SH3BP2: variants seen among roughly 807,000 people sequenced by gnomAD.
SH3BP2 encodes SH3 domain-binding protein 2.
In SH3BP2, 38 loss-of-function variants were observed where a neutral mutation model predicts 56.2. That is an observed-to-expected ratio of 0.68 (90% confidence interval 0.52 to 0.89). The LOEUF is 0.89. SH3BP2 is among the 40% of genes least tolerant of loss of function. The pLI, the probability that SH3BP2 is intolerant of heterozygous loss-of-function variation, is 0.00. For missense variants in SH3BP2, 748 were observed against 762.6 expected (o/e 0.98, Z 0.23); for synonymous variants, 346 against 316.7 (o/e 1.09, Z -0.98).
intron 5 of SH3BP2, chr4:2,826,979 CAG>C (rs1560108660): frequency 4.6e-6 from 3 of 658,398 alleles, no homozygotes; most frequent in South Asian, 4.5e-5. Flanking sequence ...GTGTGTTTGT[CAG>C]AGTATGTGTG....
chr4:2,809,763 C>T (rs1577344212), intron 1 of SH3BP2: 2 of 985,348 alleles, frequency 2.0e-6, no homozygotes, highest in Non-Finnish European at 2.4e-6. Context: ...AAAGCTCCCT[C>T]CCTCTTCTTT....
intron 12 of SH3BP2, 176 bp from the exon 13 acceptor site, chr4:2,833,521 C>T: frequency 1.4e-6 from 1 of 729,436 alleles, no homozygotes; most frequent in Non-Finnish European, 2.3e-6. Context: ...GAGGTGGGAA[C>T]ATGGAGAGCA....
Position 2,824,650 on chromosome 4 carries a change from G to A in SH3BP2, c.277G>A (p.Val93Ile), listed in dbSNP as rs749432597. 3 of 1,613,978 alleles carry A rather than the reference G, an allele frequency of 1.9e-6. No individual in the cohort carries two copies. Among genetic ancestry groups the A allele is most frequent in the Non-Finnish European group, 2.5e-6 (3 of 1,179,990 alleles). ...GGCTGAGGAGACCACGTCCAACAAC[G>A]TTTTCCCCTTCAAGATCATCCATAT... ...RAAEETTSNN[V>I]FPFKIIHISK... Residue 93 changes from valine (V) to isoleucine (I), a missense_variant, in exon 4 of 13, where the codon GTT becomes ATT. By Grantham distance (29) the Val-to-Ile change is conservative (BLOSUM62 3). Coordinates refer to ENST00000503393, the MANE Select transcript of SH3BP2 (RefSeq NM_001122681.2).
chr4:2,812,324 TG>T, intron 1 of SH3BP2: 1 of 1,549,570 alleles, frequency 6.5e-7, no homozygotes, highest in Non-Finnish European at 8.7e-7. Context: ...GGCACAGCTG[TG>T]GGGCAGCCAG....
At chr4:2,803,283 G>A (rs1184584178) in intron 1 of SH3BP2, among the ~76,000 whole-genome samples, 2 of 152,176 alleles carry the variant, frequency 1.3e-5, no homozygotes, top group East Asian at 3.8e-4. Flanking sequence ...TCTGACTGGC[G>A]CCCCTACTGC....
At position 2,814,224 on chromosome 4, in the gene SH3BP2, T is replaced by G. The variant is rs112809345; in HGVS notation, c.-4-6390T>G. On this transcript the variant is annotated intron_variant, in intron 1 of 12. Coordinates refer to ENST00000503393, the MANE Select transcript of SH3BP2 (RefSeq NM_001122681.2). ...TGGGTGTGCAGAGACACAGCGCACATGAGGGCCTGCACAGGCCATGACCAC... is the reference window on the plus strand; with the variant it reads ...TGGGTGTGCAGAGACACAGCGCACAGGAGGGCCTGCACAGGCCATGACCAC... Among the ~76,000 whole-genome samples the G allele has an allele frequency of 3.5e-3, 540 of 152,298 alleles. 2 individuals carry two copies. The highest frequency in any genetic ancestry group is 0.012 in the African/African-American group (509 of 41,562).
chr4:2,824,577 T>C (rs1416604906), intron 3 of SH3BP2, 36 bp from the exon 4 acceptor site: 1 of 1,524,350 alleles, frequency 6.6e-7, no homozygotes, highest in Non-Finnish European at 9.1e-7. Context: ...CCTATAGCTG[T>C]GAACCAGGCC....
intron 1 of SH3BP2, among the ~76,000 whole-genome samples, chr4:2,805,539 G>A (rs931049797): frequency 3.9e-5 from 6 of 152,238 alleles, no homozygotes; most frequent in Non-Finnish European, 5.9e-5. Flanking sequence ...GGAGGCACCT[G>A]GTGCCAGTGT....
In SH3BP2 at chr4:2,831,913, C is replaced by T. The variant is rs556659893; in HGVS notation, c.1351-10C>T. 8 of 1,612,442 alleles carry T rather than the reference C, an allele frequency of 5.0e-6. No homozygotes were observed. In the East Asian group the frequency reaches 1.1e-4, roughly 22 times the overall value. On this transcript the variant is annotated splice_polypyrimidine_tract_variant and intron_variant, in intron 9 of 12. Coordinates refer to ENST00000503393, the MANE Select transcript of SH3BP2 (RefSeq NM_001122681.2). This position sits in a 1 kb window ranked among gnomAD's most constrained non-coding sequence, Gnocchi z 4.1. The stretch of plus-strand genomic sequence containing the variant: ...CCGACGTTGGCACTGACACCGTCAG[C>T]CTCTTGCAGGTGCCACTGCCCAACT...
At chr4:2,793,526 G>A (rs1336291141) in intron 1 of SH3BP2, among the ~76,000 whole-genome samples, 1 of 151,344 alleles carries the variant, frequency 6.6e-6, no homozygotes, top group African/African-American at 2.4e-5. Flanking sequence ...GGGGCCGGGT[G>A]TCCCTTGCCG....
intron 1 of SH3BP2, chr4:2,818,591 A>G: frequency 1.9e-6 from 1 of 532,174 alleles, no homozygotes. Context: ...GGGCTTGTCG[A>G]TCTGCGGGCA....
chr4:2,808,797 C>T (rs1723636189), intron 1 of SH3BP2, among the ~76,000 whole-genome samples: 2 of 130,614 alleles, frequency 1.5e-5, no homozygotes, highest in Non-Finnish European at 3.3e-5. Context: ...GCTCAGTGCC[C>T]ACCTTCCCCC....
chr4:2,824,805 G>T, intron 4 of SH3BP2, 75 bp downstream of exon 4: 1 of 1,153,934 alleles, frequency 8.7e-7, no homozygotes. Context: ...GACCTGCCTT[G>T]GGGGCTCGCT....
rs1390710312 is a variant in SH3BP2 at position 2,831,160 on chromosome 4, C to T, written c.1242-411C>T. On this transcript the variant is annotated intron_variant, in intron 8 of 12. Transcript: ENST00000503393. The surrounding 1 kb of genome is among the most constrained non-coding windows in gnomAD (Gnocchi z 4.1). ...AGCCACACAGGGAGGCGTGCAGGGACGCCATGGGCGTCCTTTGGGGTCACA... is the reference window on the plus strand; with the variant it reads ...AGCCACACAGGGAGGCGTGCAGGGATGCCATGGGCGTCCTTTGGGGTCACA... Among the ~76,000 whole-genome samples the T allele has an allele frequency of 4.6e-5, 7 of 152,242 alleles. No homozygotes were observed. Among genetic ancestry groups the T allele is most frequent in the Non-Finnish European group, 4.4e-5 (3 of 68,038 alleles).
chr4:2,832,968 G>A, intron 11 of SH3BP2, 22 bp from the exon 12 acceptor site: 4 of 1,613,886 alleles, frequency 2.5e-6, no homozygotes, highest in Non-Finnish European at 3.4e-6. Context: ...GGAGCCGTCA[G>A]CCTCCCGCTT....
chr4:2,829,371 C>T lies in SH3BP2; in HGVS notation c.587-122C>T. 7 of 992,088 alleles carry T rather than the reference C, an allele frequency of 7.1e-6. No individual in the cohort carries two copies. The highest frequency in any genetic ancestry group is 2.5e-5 in the East Asian group (1 of 40,004). 61.5% of individuals were successfully genotyped at this position (992,088 alleles called of 1,614,324 possible). A position where few individuals can be genotyped will look rare whatever the true frequency, so the allele number is the denominator to read the frequency against. ...GCTGGGTGCTGGGCTGCTGGGTGGG[C>T]AGGCTGTGGGGTGGGCCTACCATGG... is the stretch of plus-strand genomic sequence containing the variant. On this transcript the variant is annotated intron_variant, in intron 7 of 12. Transcript: ENST00000503393. This position sits in a 1 kb window ranked among gnomAD's most constrained non-coding sequence, Gnocchi z 4.9.
intron 1 of SH3BP2, among the ~76,000 whole-genome samples, chr4:2,800,386 A>G (rs393635): frequency 0.78 from 118,948 of 152,134 alleles, 47,401 homozygotes; most frequent in African/African-American, 0.93. Flanking sequence ...TCCCTGTCTG[A>G]TGCAGCCTGC....
chr4:2,820,629 A>G lies in SH3BP2; in HGVS notation c.12A>G (p.Glu4=), dbSNP rs1319057577. The G allele has an allele frequency of 1.7e-5, 28 of 1,613,856 alleles. No individual in the cohort carries two copies. Among genetic ancestry groups the G allele is most frequent in the Non-Finnish European group, 2.2e-5 (26 of 1,179,862 alleles). ...TTTATTGCAGCTTCATGGCGGCTGA[A>G]GAGATGCATTGGCCTGTCCCTATGA... MAA[E]EMHWPVPMKA... Residue 4 remains glutamate, a synonymous_variant, in exon 2 of 13, where the codon GAA becomes GAG. Transcript: ENST00000503393.
At chr4:2,805,734 G>A (rs1176458415) in intron 1 of SH3BP2, among the ~76,000 whole-genome samples, 1 of 152,248 alleles carries the variant, frequency 6.6e-6, no homozygotes, top group East Asian at 1.9e-4. Context: ...GACTGAGCCT[G>A]TGTGGGAGAA....
Sources: allele counts gnomAD v4.1 joint callset (sites outside exome capture counted in the v4.1 genomes callset), GRCh38; gene constraint gnomAD v4.1.1; non-coding constraint Gnocchi (gnomAD v3.1); transcripts MANE v1.5; gene names NCBI Gene and HGNC (gene_info 2026-07-23, HGNC 2026-07-21).